The following SUMF1 variants were observed in gnomAD, a reference collection of about 807,000 sequenced individuals.
SUMF1 encodes the protein formylglycine-generating enzyme.
A neutral mutation model predicts 47.6 loss-of-function variants in SUMF1; 48 were observed. The ratio of observed to expected loss-of-function variants is 1.01; its 90% CI spans 0.80 to 1.28. SUMF1 has a LOEUF of 1.28. Ranked by LOEUF, SUMF1 falls within the 50% of genes most tolerant of loss-of-function variation. The probability of loss-of-function intolerance (pLI) is 0.00; values close to 1 mark genes in which losing one functional copy is unlikely to be tolerated. For synonymous variants in SUMF1, 230 were observed against 192.1 expected, an observed-to-expected ratio of 1.20 and a Z score of -1.63; for missense variants, 571 against 485.4, an observed-to-expected ratio of 1.18 and a Z score of -1.66.
At chr3:4,337,887 G>A (rs1242666831) in intron 8 of SUMF1, among the ~76,000 whole-genome samples, 1 of 146,660 alleles carries the variant, frequency 6.8e-6, no homozygotes, top group East Asian at 2.0e-4. Flanking sequence ...TTTCCTCTCA[G>A]TAATCACCTC....
intron 8 of SUMF1, among the ~76,000 whole-genome samples, chr3:4,216,549 A>C (rs924655141): frequency 3.3e-5 from 5 of 152,312 alleles, no homozygotes; most frequent in African/African-American, 1.2e-4. Context: ...ATGGGATCTA[A>C]CTAAATTAAA....
intron 8 of SUMF1, among the ~76,000 whole-genome samples, chr3:4,221,524 G>A (rs187491576): frequency 6.6e-6 from 1 of 151,924 alleles, no homozygotes; most frequent in African/African-American, 2.4e-5. Flanking sequence ...CCATAGTTCT[G>A]AAAGCCCTGT....
At chr3:4,108,041 A>G (rs1158121772) in intron 8 of SUMF1, among the ~76,000 whole-genome samples, 1 of 152,284 alleles carries the variant, frequency 6.6e-6, no homozygotes, top group East Asian at 1.9e-4. Flanking sequence ...ATAGGGGAAT[A>G]AACTATAGTA....
chr3:4,392,617 A>ATATATATG (rs1700907327), intron 7 of SUMF1, among the ~76,000 whole-genome samples: 1 of 27,098 alleles, frequency 3.7e-5, no homozygotes, highest in African/African-American at 8.6e-5. Flanking sequence ...GTGTGTGTGT[A>ATATATATG]TATATATATA....
rs544581256 is a variant in SUMF1, at chr3:4,232,803, G to A, written c.1014+143527C>T. Reference sequence around the variant, plus strand: ...CCTTAGATGTCCGTAGCTGTTGTGCGTTAAGAAAGAATGGGATTCCAATGC... The same window carrying A: ...CCTTAGATGTCCGTAGCTGTTGTGCATTAAGAAAGAATGGGATTCCAATGC... On this transcript the variant is annotated intron_variant and NMD_transcript_variant, in intron 8 of 12. Coordinates refer to the SUMF1 transcript ENST00000448413. 5.9e-5 allele frequency among the ~76,000 whole-genome samples: 9 copies of A among 152,042 alleles called. No homozygotes were observed. The South Asian group carries it at 6.2e-4, about 11-fold the overall frequency.
rs377668658 is a variant in SUMF1 at position 4,424,652 on chromosome 3, G to A, written c.520-4506C>T. On this transcript the variant is annotated intron_variant, in intron 3 of 8. Coordinates refer to ENST00000272902, the MANE Select transcript of SUMF1 (RefSeq NM_182760.4). ...GTCCATGAAAAAAGGAATACTATAC[G>A]GCTAGTTATCAAAATACACTCTGAC... Among the ~76,000 whole-genome samples, 309 of 152,122 alleles carry A rather than the reference G, an allele frequency of 2.0e-3. 1 individual carries two copies. The highest frequency in any genetic ancestry group is 7.1e-3 in the African/African-American group (293 of 41,490).
intron 8 of SUMF1, among the ~76,000 whole-genome samples, chr3:4,299,348 T>C (rs1311060333): frequency 6.6e-6 from 1 of 152,252 alleles, no homozygotes; most frequent in African/African-American, 2.4e-5. Context: ...GCCTCTCTGC[T>C]GGTAGGCTTT....
chr3:4,426,039 G>C (rs527705927), intron 3 of SUMF1, among the ~76,000 whole-genome samples: 1 of 152,158 alleles, frequency 6.6e-6, no homozygotes, highest in African/African-American at 2.4e-5. Context: ...CCTACCACCG[G>C]GTCCCTCCCA....
intron 8 of SUMF1, among the ~76,000 whole-genome samples, chr3:4,363,234 T>C (rs1699828628): frequency 6.6e-6 from 1 of 152,122 alleles, no homozygotes; most frequent in African/African-American, 2.4e-5. Flanking sequence ...ATTTATGATA[T>C]TATTTATTAT....
chr3:4,061,191 G>A (rs1695271329), intron 9 of SUMF1, among the ~76,000 whole-genome samples: 1 of 152,162 alleles, frequency 6.6e-6, no homozygotes, highest in Non-Finnish European at 1.5e-5. Flanking sequence ...TTGTCCCATA[G>A]CACTGATGTT....
intron 8 of SUMF1, among the ~76,000 whole-genome samples, chr3:4,127,000 C>A (rs1166719536): frequency 1.3e-5 from 2 of 152,070 alleles, no homozygotes; most frequent in African/African-American, 4.8e-5. Flanking sequence ...TCTACTGTGA[C>A]CAAAAAGTAA....
At chr3:4,064,534 A>G (rs1356009985) in intron 9 of SUMF1, among the ~76,000 whole-genome samples, 1 of 152,152 alleles carries the variant, frequency 6.6e-6, no homozygotes, top group Non-Finnish European at 1.5e-5. Context: ...CTGCCTATGG[A>G]GTAGGCATTC....
chr3:4,325,671 G>T (rs909019215), intron 8 of SUMF1, among the ~76,000 whole-genome samples: 2 of 151,912 alleles, frequency 1.3e-5, no homozygotes, highest in Non-Finnish European at 2.9e-5. Context: ...GAATTTTAAG[G>T]TGTCTAAGTG....
chr3:4,358,943 T>C (rs1246700888), downstream of SUMF1, among the ~76,000 whole-genome samples: 7 of 151,656 alleles, frequency 4.6e-5, no homozygotes, highest in African/African-American at 2.4e-5. Flanking sequence ...CCAGTGGAGA[T>C]TGAATTAGGC....
At chr3:4,052,374 C>T (rs1695126925) in intron 9 of SUMF1, among the ~76,000 whole-genome samples, 1 of 152,140 alleles carries the variant, frequency 6.6e-6, no homozygotes, top group African/African-American at 2.4e-5. Flanking sequence ...TATTCAAGCA[C>T]AGCAAAAAGT....
At chr3:4,379,090 A>G (rs551107719) in intron 7 of SUMF1, among the ~76,000 whole-genome samples, 2 of 152,312 alleles carry the variant, frequency 1.3e-5, no homozygotes, top group South Asian at 4.1e-4. Flanking sequence ...CTTATAAATA[A>G]AACTATTTTT....
At chr3:4,441,881 A>T (rs1702598743) in intron 3 of SUMF1, among the ~76,000 whole-genome samples, 1 of 152,206 alleles carries the variant, frequency 6.6e-6, no homozygotes, top group African/African-American at 2.4e-5. Flanking sequence ...TCTACGTATA[A>T]AACCAGACAG....
chr3:4,431,995 G>C (rs576736936), intron 3 of SUMF1, among the ~76,000 whole-genome samples: 41 of 152,164 alleles, frequency 2.7e-4, no homozygotes, highest in Non-Finnish European at 5.3e-4. Flanking sequence ...CATTCTAACA[G>C]AGTTCCCAAT....
At chr3:4,220,080 C>G (rs1025744883) in intron 8 of SUMF1, among the ~76,000 whole-genome samples, 1 of 151,988 alleles carries the variant, frequency 6.6e-6, no homozygotes, top group South Asian at 2.1e-4. Flanking sequence ...AAGAAAAATT[C>G]TAAAGAGCAT....
Sources: gnomAD v4.1 joint callset for allele counts (sites outside exome capture counted in the v4.1 genomes callset) on GRCh38, gnomAD v4.1.1 for gene constraint, MANE v1.5 for transcripts, NCBI Gene and HGNC (gene_info 2026-07-23, HGNC 2026-07-21) for gene names.